Variants in NEDD4L observed in about 807,000 individuals in gnomAD.
NEDD4L encodes the protein NEDD4 like E3 ubiquitin protein ligase.
A neutral mutation model predicts 148.9 loss-of-function variants in NEDD4L; 54 were observed. The observed-to-expected ratio is 0.36, with a 90% CI of 0.29 to 0.45. NEDD4L has a LOEUF of 0.45. Ranked by LOEUF, NEDD4L falls within the 20% of genes least tolerant of loss-of-function variation. The probability of loss-of-function intolerance (pLI) is 1.00; values close to 1 mark genes in which losing one functional copy is unlikely to be tolerated. For missense variants in NEDD4L, 856 were observed against 1,233.8 expected (o/e 0.69, Z 4.59); for synonymous variants, 433 against 440.7 (o/e 0.98, Z 0.22).
intron 1 of NEDD4L, among the ~76,000 whole-genome samples, chr18:58,065,957 C>T (rs1047332491): frequency 6.6e-6 from 1 of 152,132 alleles, no homozygotes; most frequent in African/African-American, 2.4e-5. Context: ...TTTAGAGTCC[C>T]AAGGTATATG....
intron 1 of NEDD4L, among the ~76,000 whole-genome samples, chr18:58,098,462 G>A (rs551624185): frequency 2.0e-5 from 3 of 152,260 alleles, no homozygotes; most frequent in Admixed American, 6.5e-5. Context: ...ATACAGTGGC[G>A]TTGTCCTGAG....
intron 26 of NEDD4L, 100 bp downstream of exon 26, chr18:58,385,686 G>A: frequency 1.0e-6 from 1 of 978,004 alleles, no homozygotes; most frequent in African/African-American, 1.6e-5. Context: ...GCTGATCAGA[G>A]ACAGAGGCGA....
chr18:58,276,705 AT>A (rs751198749), intron 5 of NEDD4L, among the ~76,000 whole-genome samples: 1 of 149,424 alleles, frequency 6.7e-6, no homozygotes, highest in Non-Finnish European at 1.5e-5. Context: ...TATTATTATT[AT>A]TATTATTAAT....
chr18:58,197,272 T>C (rs8091354), intron 2 of NEDD4L, among the ~76,000 whole-genome samples: 49,751 of 151,986 alleles, frequency 0.33, 8,550 homozygotes, highest in East Asian at 0.47. Flanking sequence ...CCTTAACCTG[T>C]TTATAATTCC....
intron 1 of NEDD4L, among the ~76,000 whole-genome samples, chr18:58,130,584 C>A (rs1158685019): frequency 7.4e-6 from 1 of 135,860 alleles, no homozygotes; most frequent in South Asian, 2.4e-4. Context: ...CGGTGTTGGG[C>A]TCTGTTGGGG....
chr18:58,297,671 C>T (rs145226650), intron 5 of NEDD4L, among the ~76,000 whole-genome samples: 5 of 152,184 alleles, frequency 3.3e-5, no homozygotes, highest in Middle Eastern at 3.4e-3. Flanking sequence ...CATGAAAATG[C>T]CCCTGCAGAT....
intron 19 of NEDD4L, among the ~76,000 whole-genome samples, chr18:58,360,742 TTGTGTGTGTGTG>T (rs10665833): frequency 6.9e-5 from 10 of 145,976 alleles, no homozygotes; most frequent in Admixed American, 6.8e-4. Flanking sequence ...AGTTTATAAT[TTGTGTGTGTGTG>T]TGTGTGTGTG....
chr18:58,262,349 C>G (rs973119108), intron 5 of NEDD4L, among the ~76,000 whole-genome samples: 1 of 152,208 alleles, frequency 6.6e-6, no homozygotes, highest in Non-Finnish European at 1.5e-5. Context: ...GAAATGCTGG[C>G]TGGGCACGGA....
intron 24 of NEDD4L, among the ~76,000 whole-genome samples, chr18:58,380,679 C>G (rs1448381603): frequency 6.6e-6 from 1 of 152,008 alleles, no homozygotes; most frequent in African/African-American, 2.4e-5. Context: ...ACCCATCAAC[C>G]CATCATCTAC....
chr18:58,076,259 C>T (rs77584599), intron 1 of NEDD4L, among the ~76,000 whole-genome samples: 7,572 of 152,190 alleles, frequency 0.05, 652 homozygotes, highest in African/African-American at 0.17. Flanking sequence ...ATTTGAGTTG[C>T]ATAAACTAAT....
At chr18:58,335,615 C>T (rs1019376066) in intron 13 of NEDD4L, 78 bp downstream of exon 13, 25 of 1,074,470 alleles carry the variant, frequency 2.3e-5, no homozygotes, top group Non-Finnish European at 2.8e-5. Context: ...GGTGAATATA[C>T]GCTGTTTTTA....
intron 27 of NEDD4L, chr18:58,388,859 G>A (rs1394509272): frequency 5.3e-6 from 3 of 562,990 alleles, no homozygotes; most frequent in East Asian, 6.1e-5. Flanking sequence ...GACATGCCGT[G>A]GCTTGCGCAA....
At chr18:58,382,404 G>C (rs1457150784) in intron 24 of NEDD4L, among the ~76,000 whole-genome samples, 1 of 152,162 alleles carries the variant, frequency 6.6e-6, no homozygotes, top group Non-Finnish European at 1.5e-5. Context: ...GCAACCAGCA[G>C]GCAGAGGAAA....
At chr18:58,244,249 A>G (rs1388730807) in intron 2 of NEDD4L, among the ~76,000 whole-genome samples, 1 of 152,226 alleles carries the variant, frequency 6.6e-6, no homozygotes, top group Non-Finnish European at 1.5e-5. Flanking sequence ...ACTGATAGCA[A>G]TCAGTTTTTG....
intron 1 of NEDD4L, among the ~76,000 whole-genome samples, chr18:58,106,529 A>G (rs561635504): frequency 1.2e-4 from 18 of 152,208 alleles, no homozygotes; most frequent in African/African-American, 4.1e-4. Context: ...GCCGGTTCCC[A>G]TACTTCTCAG....
At chr18:58,080,367 A>T (rs2083369394) in intron 1 of NEDD4L, among the ~76,000 whole-genome samples, 1 of 152,104 alleles carries the variant, frequency 6.6e-6, no homozygotes, top group African/African-American at 2.4e-5. Context: ...CCACCCTTTG[A>T]GGTTTTTGGT....
At chr18:58,393,704 C>T (rs1844921445) in intron 30 of NEDD4L, among the ~76,000 whole-genome samples, 1 of 152,244 alleles carries the variant, frequency 6.6e-6, no homozygotes, top group Admixed American at 6.5e-5. Context: ...AGAAACTTCA[C>T]TGGCTGTTTC....
rs145780777 is a variant in NEDD4L at position 58,333,043 on chromosome 18, G to A, written c.991-775G>A. Among the ~76,000 whole-genome samples the A allele has an allele frequency of 2.5e-3, 376 of 152,154 alleles. 9 individuals carry two copies. In the East Asian group the frequency reaches 0.047, roughly 19 times the overall value. ...TGTAATCCCAGTACTTTGGGAGGCC[G>A]AGGTGGGTGAATCATCTGAGGTCAG... On this transcript the variant is annotated intron_variant, in intron 11 of 30. Coordinates refer to ENST00000400345, the MANE Select transcript of NEDD4L (RefSeq NM_001144967.3).
At chr18:58,195,317 A>T in intron 2 of NEDD4L, 1 of 817,588 alleles carries the variant, frequency 1.2e-6, no homozygotes, top group South Asian at 1.8e-5. Flanking sequence ...CTGTGGTTTG[A>T]ATTGCTTTTT....
Sources: gnomAD v4.1 joint callset for allele counts (sites outside exome capture counted in the v4.1 genomes callset) on GRCh38, gnomAD v4.1.1 for gene constraint, MANE v1.5 for transcripts, NCBI Gene and HGNC (gene_info 2026-07-23, HGNC 2026-07-21) for gene names.